Variants in HIVEP3 observed in about 807,000 individuals in gnomAD.
HIVEP3 encodes HIVEP zinc finger 3.
In HIVEP3, 49 loss-of-function variants were observed where a neutral mutation model predicts 152.8. The observed-to-expected ratio is 0.32, with a 90% CI of 0.26 to 0.41. The LOEUF (loss-of-function observed/expected upper bound fraction) is 0.41, where lower values mean the gene tolerates loss of function less well. Ranked by LOEUF, HIVEP3 falls within the 10% of genes least tolerant of loss-of-function variation. The pLI is 1.00. For synonymous variants in HIVEP3, 1,269 were observed against 1,289.0 expected, an observed-to-expected ratio of 0.98 and a Z score of 0.33; for missense variants, 2,790 against 3,103.3, an observed-to-expected ratio of 0.90 and a Z score of 2.40.
Position 41,686,228 on chromosome 1 carries a change from C to T in HIVEP3, c.-721+14688G>A, listed in dbSNP as rs182908602. ...CTGGGACTACAGGCACACACCACCA[C>T]GCCAGGCTAATTCTTTTGTATTTTT... On this transcript the variant is annotated intron_variant, in intron 2 of 8. Transcript: ENST00000372583. Among the ~76,000 whole-genome samples, 649 of 152,166 alleles carry T rather than the reference C, an allele frequency of 4.3e-3. 8 individuals carry two copies. The highest frequency in any genetic ancestry group is 0.015 in the African/African-American group (624 of 41,512).
At chr1:42,028,318 T>C (rs1025330798) in intron 1 of HIVEP3, among the ~76,000 whole-genome samples, 1 of 152,222 alleles carries the variant, frequency 6.6e-6, no homozygotes, top group African/African-American at 2.4e-5. Flanking sequence ...TAGTAAGTGC[T>C]CAGTAAATAT....
intron 5 of HIVEP3, among the ~76,000 whole-genome samples, chr1:41,548,331 T>G (rs1423563883): frequency 6.6e-6 from 1 of 152,198 alleles, no homozygotes; most frequent in Non-Finnish European, 1.5e-5. Flanking sequence ...TTAAGTAACT[T>G]GCCCATGACC....
At chr1:41,525,578 G>A (rs1261070521) in intron 5 of HIVEP3, among the ~76,000 whole-genome samples, 2 of 152,174 alleles carry the variant, frequency 1.3e-5, no homozygotes, top group African/African-American at 2.4e-5. Context: ...TTCAGAGTTT[G>A]GAATGAGGAG....
intron 2 of HIVEP3, among the ~76,000 whole-genome samples, chr1:41,674,220 G>A (rs970330837): frequency 6.6e-6 from 1 of 152,240 alleles, no homozygotes; most frequent in African/African-American, 2.4e-5. Flanking sequence ...AGTGCCTGAT[G>A]TTTGTTAAAT....
At chr1:41,539,442 A>G (rs1643475399) in intron 5 of HIVEP3, among the ~76,000 whole-genome samples, 1 of 151,998 alleles carries the variant, frequency 6.6e-6, no homozygotes, top group African/African-American at 2.4e-5. Flanking sequence ...TTCTCCCCAA[A>G]CTGTCCATCT....
intron 2 of HIVEP3, among the ~76,000 whole-genome samples, chr1:41,641,950 C>T (rs1398938597): frequency 6.6e-6 from 1 of 152,242 alleles, no homozygotes; most frequent in African/African-American, 2.4e-5. Context: ...CGTGAACTAT[C>T]ATTTGTAAAG....
chr1:41,774,038 C>T (rs139567626), intron 1 of HIVEP3, among the ~76,000 whole-genome samples: 49 of 152,336 alleles, frequency 3.2e-4, no homozygotes, highest in African/African-American at 1.1e-3. Context: ...GGAGCAGATG[C>T]TTCTGGCTTT....
At chr1:41,544,916 CTCT>C (rs1452391658) in intron 5 of HIVEP3, among the ~76,000 whole-genome samples, 1 of 102,418 alleles carries the variant, frequency 9.8e-6, no homozygotes, top group Non-Finnish European at 2.0e-5. Context: ...CCACTACCAC[CTCT>C]ACCACCACCA....
In HIVEP3 at chr1:41,510,913, G is replaced by A. The variant is rs141679288; in HGVS notation, c.6759C>T (p.Ser2253=). 437 of 1,613,548 alleles carry A rather than the reference G, an allele frequency of 2.7e-4. 1 individual carries two copies. The highest frequency in any genetic ancestry group is 2.0e-3 in the East Asian group (88 of 44,866). ...TGGAGACCTTAGCCACAGGCGACAC[G>A]GAGGCTGACGAGCTCTCAGTGGGAC... ...RWSPTESSSA[S]VSPVAKVSKF... Residue 2253 remains serine (S), a synonymous_variant, in exon 9 of 9, where the codon TCC becomes TCT. Coordinates refer to ENST00000372583, the MANE Select transcript of HIVEP3 (RefSeq NM_024503.5).
chr1:41,938,086 G>A lies in HIVEP3; in HGVS notation n.120-19562C>T, dbSNP rs186365603. Among the ~76,000 whole-genome samples the A allele has an allele frequency of 1.1e-4, 16 of 152,192 alleles. No homozygotes were observed. The East Asian group carries it at 2.7e-3, about 26-fold the overall frequency. On this transcript the variant is annotated intron_variant and non_coding_transcript_variant, in intron 1 of 3. Coordinates refer to the HIVEP3 transcript ENST00000489103. ...ATACTTTACTTTCTGCATGGAACAC[G>A]CTTTCCTCTCTTTCACTTGCCTGGT...
At chr1:41,953,598 G>A (rs1435483313) in intron 1 of HIVEP3, among the ~76,000 whole-genome samples, 1 of 152,150 alleles carries the variant, frequency 6.6e-6, no homozygotes, top group Non-Finnish European at 1.5e-5. Context: ...CCCACCCCAT[G>A]CTCAGTTTGG....
Position 41,679,193 on chromosome 1 carries a change from C to G in HIVEP3, c.-721+21723G>C, listed in dbSNP as rs553842392. Reference sequence around the variant, plus strand: ...TTTTCTTCTCACCTCCCCAAAGCCACTCCCCTACTCTTTTTGACATGCGTC... The same window carrying G: ...TTTTCTTCTCACCTCCCCAAAGCCAGTCCCCTACTCTTTTTGACATGCGTC... On this transcript the variant is annotated intron_variant, in intron 2 of 8. Transcript: ENST00000372583. Among the ~76,000 whole-genome samples, 9 of 152,364 alleles carry G rather than the reference C, an allele frequency of 5.9e-5. No individual in the cohort carries two copies. In the East Asian group the frequency reaches 1.7e-3, roughly 29 times the overall value.
At chr1:41,635,710 T>C (rs1012562137) in intron 2 of HIVEP3, among the ~76,000 whole-genome samples, 1 of 151,480 alleles carries the variant, frequency 6.6e-6, no homozygotes, top group African/African-American at 2.4e-5. Flanking sequence ...ACCAACAAAA[T>C]GGACAAATCG....
chr1:41,699,789 C>T (rs1646333944), intron 2 of HIVEP3, among the ~76,000 whole-genome samples: 1 of 152,088 alleles, frequency 6.6e-6, no homozygotes, highest in Non-Finnish European at 1.5e-5. Flanking sequence ...CTCATCTCGG[C>T]CTCCCCACCA....
chr1:41,688,103 C>T (rs1646140046), intron 2 of HIVEP3, among the ~76,000 whole-genome samples: 1 of 152,230 alleles, frequency 6.6e-6, no homozygotes, highest in Non-Finnish European at 1.5e-5. Flanking sequence ...GTTCCTGACA[C>T]CTTCAAAGAA....
intron 2 of HIVEP3, among the ~76,000 whole-genome samples, chr1:41,688,282 A>C (rs1646143186): frequency 6.6e-6 from 1 of 152,256 alleles, no homozygotes; most frequent in African/African-American, 2.4e-5. Flanking sequence ...AAAAGGTATC[A>C]AAGCACACTT....
At chr1:41,515,192 C>T (rs7551907) in intron 7 of HIVEP3, among the ~76,000 whole-genome samples, 4,899 of 152,318 alleles carry the variant, frequency 0.032, 241 homozygotes, top group African/African-American at 0.11. Context: ...TGACTCAGGC[C>T]GCTGGGGCAG....
intron 1 of HIVEP3, among the ~76,000 whole-genome samples, chr1:41,949,618 C>T (rs548173147): frequency 2.6e-5 from 4 of 152,200 alleles, no homozygotes; most frequent in African/African-American, 9.6e-5. Context: ...ACACTGGACC[C>T]TGGGGCCTCC....
intron 1 of HIVEP3, among the ~76,000 whole-genome samples, chr1:41,735,320 C>G (rs1177940875): frequency 1.3e-5 from 2 of 152,166 alleles, no homozygotes; most frequent in Non-Finnish European, 2.9e-5. Context: ...AACACTTGCT[C>G]TGATGGTGAC....
Sources: gnomAD v4.1 joint callset for allele counts (sites outside exome capture counted in the v4.1 genomes callset) on GRCh38, gnomAD v4.1.1 for gene constraint, MANE v1.5 for transcripts, NCBI Gene and HGNC (gene_info 2026-07-23, HGNC 2026-07-21) for gene names.